MPHOSPH9: variants seen among roughly 807,000 people sequenced by gnomAD.
The protein encoded by MPHOSPH9 is M-phase phosphoprotein 9.
MPHOSPH9 carries 88 observed loss-of-function variants against 145.5 expected under a neutral mutation model. That is an observed-to-expected ratio of 0.60 (90% CI 0.51 to 0.72). The LOEUF is 0.72. Among genes scored for constraint, MPHOSPH9 ranks in the 30% least tolerant of loss-of-function variants. The pLI is 0.00. For missense variants in MPHOSPH9, 1,238 were observed against 1,386.6 expected (o/e 0.89, Z 1.70); for synonymous variants, 435 against 486.2 (o/e 0.89, Z 1.39).
intron 17 of MPHOSPH9, 81 bp downstream of exon 17, chr12:123,166,574 C>A (rs2044329049): frequency 6.7e-7 from 1 of 1,490,416 alleles, no homozygotes; most frequent in Non-Finnish European, 9.2e-7. Context: ...AAAGAGAGGG[C>A]TTCCCAAACT....
In MPHOSPH9 at chr12:123,166,345, G is replaced by A. The variant is rs1046493693; in HGVS notation, c.2591+310C>T. The A allele has an allele frequency of 9.6e-6, 3 of 312,380 alleles. 1 individual carries two copies. Among genetic ancestry groups the A allele is most frequent in the East Asian group, 9.7e-5 (1 of 10,300 alleles). The allele number at this position is 312,380 out of a possible 1,614,324, so 19.4% of individuals were successfully genotyped here. A position where few individuals can be genotyped will look rare whatever the true frequency, so the allele number is the denominator to read the frequency against. ...TGGTCTCGAACTCCTAGGCTCAAGC[G>A]ATCCTCCACGTTGGCCTCCCAAAGT... On this transcript the variant is annotated intron_variant, in intron 17 of 23. Coordinates refer to ENST00000606320, the MANE Select transcript of MPHOSPH9 (RefSeq NM_022782.4).
At position 123,227,611 on chromosome 12, in the gene MPHOSPH9, C is replaced by T; in HGVS notation, c.110G>A (p.Ser37Asn). 1 of 1,504,680 alleles carries T rather than the reference C, an allele frequency of 6.6e-7. No individual in the cohort carries two copies. Among genetic ancestry groups the T allele is most frequent in the South Asian group, 1.3e-5 (1 of 78,896 alleles). 93.2% of individuals were successfully genotyped at this position (1,504,680 alleles called of 1,614,324 possible). A position where few individuals can be genotyped will look rare whatever the true frequency, so the allele number is the denominator to read the frequency against. The change falls in exon 3 of 24, where the codon AGT becomes AAT. Residue 37 changes from serine to asparagine, a missense_variant. Physicochemically the swap from Ser to Asn is conservative, Grantham distance 46. This residue lies in a region of MPHOSPH9 where 837 missense variants were observed against 897.5 expected (regional missense o/e 0.93). Transcript: ENST00000606320. ...TACCCCATTTGTACTAAGGTGGGGA[C>T]TACTTCTGTTGAAACATAAATAATT... is the stretch of plus-strand genomic sequence containing the variant. Reference protein sequence around the residue: ...LGLNLNTDRSSPHLSTNGVSS... With the variant: ...LGLNLNTDRSNPHLSTNGVSS...
intron 1 of MPHOSPH9, chr12:123,243,715 TAAAA>T (rs902974336): frequency 3.3e-5 from 5 of 151,668 alleles, no homozygotes; most frequent in Non-Finnish European, 7.4e-5. Context: ...AAATAAAAAA[TAAAA>T]AAGAAATAGC....
At position 123,194,505 on chromosome 12, in the gene MPHOSPH9, T is replaced by G. The variant is rs1425281825; in HGVS notation, c.2122A>C (p.Asn708His). 1.2e-6 allele frequency: 2 copies of G among 1,612,978 alleles called. No homozygotes were observed. Among genetic ancestry groups the G allele is most frequent in the Non-Finnish European group, 8.5e-7 (1 of 1,179,736 alleles). ...CTAGATTTTAGTCGAATGATGGTATTGTCTTTTTCTTTACTGCTTGTTCTC... is the reference window on the plus strand; with the variant it reads ...CTAGATTTTAGTCGAATGATGGTATGGTCTTTTTCTTTACTGCTTGTTCTC... ...EMRTSSKEKD[N>H]TIIRLKSRLQ... The change falls in exon 13 of 24, where the codon AAT becomes CAT. Residue 708 changes from asparagine to histidine, a missense_variant. Asn to His is a moderately conservative substitution (Grantham distance 68). Around this residue, in one of 3 missense-constraint regions of MPHOSPH9, gnomAD observed 837 missense variants for 897.5 expected, o/e 0.93. Coordinates refer to ENST00000606320, the MANE Select transcript of MPHOSPH9 (RefSeq NM_022782.4).
At chr12:123,164,893 T>C (rs1420343439) in intron 18 of MPHOSPH9, among the ~76,000 whole-genome samples, 1 of 151,728 alleles carries the variant, frequency 6.6e-6, no homozygotes, top group Non-Finnish European at 1.5e-5. Flanking sequence ...CCTGTAATTC[T>C]AGGTACTTGA....
rs375595241 is a variant in MPHOSPH9 at position 123,183,440 on chromosome 12, C to A, written c.2242-2230G>T. ...GCACGTGCCTGTAGTCCCAGCTACT[C>A]AGGAGGCTGAGGCAGGAAAATTGCT... On this transcript the variant is annotated intron_variant, in intron 13 of 23. Coordinates refer to ENST00000606320, the MANE Select transcript of MPHOSPH9 (RefSeq NM_022782.4). Among the ~76,000 whole-genome samples, 15 of 143,266 alleles carry A rather than the reference C, an allele frequency of 1.0e-4. 1 individual carries two copies. In the East Asian group the frequency reaches 1.7e-3, roughly 16 times the overall value. 94.0% of individuals were successfully genotyped at this position (143,266 alleles called of 152,430 possible).
chr12:123,181,536 G>A (rs1349750364), intron 13 of MPHOSPH9, among the ~76,000 whole-genome samples: 9 of 151,504 alleles, frequency 5.9e-5, no homozygotes, highest in Non-Finnish European at 1.3e-4. Flanking sequence ...GCGAGACCTC[G>A]TCTCTTCAAA....
chr12:123,217,102 T>C (rs1210586531), intron 6 of MPHOSPH9, among the ~76,000 whole-genome samples: 1 of 152,138 alleles, frequency 6.6e-6, no homozygotes, highest in Non-Finnish European at 1.5e-5. Flanking sequence ...ATCTATAATC[T>C]TTTAATTAAA....
chr12:123,197,823 C>T lies in MPHOSPH9; in HGVS notation c.2025+424G>A, dbSNP rs376033997. ...AAAAAAAAGGGTGCAGTGGCTCACG[C>T]CTGTAATCCCAGCACTTTGGGAGGC... On this transcript the variant is annotated intron_variant, in intron 12 of 23. Transcript: ENST00000606320. Among the ~76,000 whole-genome samples the T allele has an allele frequency of 2.5e-4, 37 of 149,992 alleles. No homozygotes were observed. The South Asian group carries it at 7.5e-3, about 30-fold the overall frequency.
chr12:123,212,248 T>G (rs1429315936), intron 7 of MPHOSPH9, among the ~76,000 whole-genome samples: 1 of 151,962 alleles, frequency 6.6e-6, no homozygotes, highest in Non-Finnish European at 1.5e-5. Flanking sequence ...AGAGGATAAT[T>G]AAGAGGGCAT....
At chr12:123,166,005 AG>A (rs1358482981) in intron 17 of MPHOSPH9, among the ~76,000 whole-genome samples, 40 of 152,354 alleles carry the variant, frequency 2.6e-4, no homozygotes, top group Admixed American at 9.1e-4. Flanking sequence ...CTACACTTAG[AG>A]GAACAGCATC....
intron 13 of MPHOSPH9, among the ~76,000 whole-genome samples, chr12:123,194,130 G>A (rs1274739646): frequency 3.9e-5 from 6 of 151,934 alleles, no homozygotes; most frequent in East Asian, 1.9e-4. Flanking sequence ...TTAGCCGGGC[G>A]CAGTGGTGGG....
At chr12:123,229,755 C>T (rs2047566904) in intron 2 of MPHOSPH9, among the ~76,000 whole-genome samples, 1 of 151,554 alleles carries the variant, frequency 6.6e-6, no homozygotes, top group African/African-American at 2.4e-5. Flanking sequence ...AAGTACATAT[C>T]TCTGAGAGAA....
chr12:123,219,972 T>G (rs1170536570), intron 5 of MPHOSPH9, among the ~76,000 whole-genome samples: 1 of 152,070 alleles, frequency 6.6e-6, no homozygotes, highest in Non-Finnish European at 1.5e-5. Context: ...GTTGTAAGAC[T>G]ACTAAACTCT....
rs1294581650 is a variant in MPHOSPH9, at chr12:123,159,918, G to T, written c.3450+863C>A. 6 of 151,740 alleles carry T rather than the reference G, an allele frequency of 4.0e-5. No homozygotes were observed. Among genetic ancestry groups the T allele is most frequent in the African/African-American group, 1.2e-4 (5 of 41,310 alleles). 9.4% of individuals were successfully genotyped at this position (151,740 alleles called of 1,614,324 possible). A position where few individuals can be genotyped will look rare whatever the true frequency, so the allele number is the denominator to read the frequency against. ...GTCTTGCTCTATTACCCAGGCTGGA[G>T]TGCAGTGGCACCATCTTGGCTCACT... On this transcript the variant is annotated intron_variant, in intron 23 of 23. Transcript: ENST00000606320. This position sits in a 1 kb window ranked among gnomAD's most constrained non-coding sequence, Gnocchi z 4.3.
intron 12 of MPHOSPH9, among the ~76,000 whole-genome samples, chr12:123,196,893 G>A (rs886343936): frequency 1.3e-5 from 2 of 152,052 alleles, no homozygotes; most frequent in African/African-American, 4.8e-5. Context: ...GAAGAAGCCA[G>A]ACACGAAAGG....
rs2044343122 is a variant in MPHOSPH9, at chr12:123,166,849, T to G, written c.2457-60A>C. ...TCTGCACTTCATTTCAGACTGCATG[T>G]GCATATAAAACAATCTGCTCTCAAA... On this transcript the variant is annotated intron_variant, in intron 16 of 23. Transcript: ENST00000606320. 4 of 1,548,868 alleles carry G rather than the reference T, an allele frequency of 2.6e-6. No individual in the cohort carries two copies. In the South Asian group the frequency reaches 4.9e-5, roughly 19 times the overall value.
rs2044288430 is a variant in MPHOSPH9 at position 123,165,670 on chromosome 12, T to C, written c.2592-193A>G. The stretch of plus-strand genomic sequence containing the variant: ...GCCTCCAAGATGGGATTAATGCCCT[T>C]ATGAAAAAGGGAAAGAGGCAGGAGC... On this transcript the variant is annotated intron_variant, in intron 17 of 23. Transcript: ENST00000606320. 5.9e-6 allele frequency: 3 copies of C among 506,276 alleles called. No individual in the cohort carries two copies. The Admixed American group carries it at 1.0e-4, about 17-fold the overall frequency. 31.4% of individuals were successfully genotyped at this position (506,276 alleles called of 1,614,324 possible).
At chr12:123,224,467 C>T (rs2047357555) in intron 3 of MPHOSPH9, among the ~76,000 whole-genome samples, 1 of 152,040 alleles carries the variant, frequency 6.6e-6, no homozygotes. Flanking sequence ...GACATGGTTT[C>T]ACCATGTTGG....
Sources: allele counts gnomAD v4.1 joint callset (sites outside exome capture counted in the v4.1 genomes callset), GRCh38; gene constraint gnomAD v4.1.1; regional missense constraint gnomAD v4.1.1; non-coding constraint Gnocchi (gnomAD v3.1); transcripts MANE v1.5; gene names NCBI Gene and HGNC (gene_info 2026-07-23, HGNC 2026-07-21).